Variants in NOP58 observed in about 807,000 individuals in gnomAD.
The protein encoded by NOP58 is NOP58 ribonucleoprotein.
In NOP58, 44 loss-of-function variants were observed where a neutral mutation model predicts 71.2. The ratio of observed to expected loss-of-function variants is 0.62; its 90% CI spans 0.49 to 0.79. The LOEUF is 0.79. NOP58 is among the 30% of genes least tolerant of loss of function. The pLI is 0.00. For missense variants in NOP58, 538 were observed against 620.2 expected, an observed-to-expected ratio of 0.87 and a Z score of 1.41; for synonymous variants, 228 against 200.3, an observed-to-expected ratio of 1.14 and a Z score of -1.17.
In NOP58 at chr2:202,282,354, T is replaced by C; in HGVS notation, c.179T>C (p.Phe60Ser). The change falls in exon 4 of 15, where the codon TTC (phenylalanine) becomes TCC (serine). Residue 60 changes from phenylalanine to serine, a missense_variant. Transcript: ENST00000264279. ...TGTTTTTCTTTTTCTTGAAAAGCAT[T>C]CACAGCTCTGATGGAGGGCAAAATC... ...FQDTAEALAA[F>S]TALMEGKINK... 1 of 1,603,488 alleles carries C rather than the reference T, an allele frequency of 6.2e-7. No individual in the cohort carries two copies. The highest frequency in any genetic ancestry group is 8.5e-7 in the Non-Finnish European group (1 of 1,177,698).
At chr2:202,284,517 T>G in intron 5 of NOP58, 36 bp downstream of exon 5, 4 of 1,608,350 alleles carry the variant, frequency 2.5e-6, no homozygotes, top group Non-Finnish European at 3.4e-6. Flanking sequence ...AACTTACTTT[T>G]ATTTGATAAG....
chr2:202,277,568 A>G (rs1688624991), intron 2 of NOP58, among the ~76,000 whole-genome samples: 1 of 152,140 alleles, frequency 6.6e-6, no homozygotes, highest in Non-Finnish European at 1.5e-5. Context: ...TGTACAGGAT[A>G]GACAAATGAA....
At chr2:202,273,867 C>G (rs1035367277) in intron 1 of NOP58, among the ~76,000 whole-genome samples, 6 of 151,328 alleles carry the variant, frequency 4.0e-5, no homozygotes, top group African/African-American at 1.5e-4. Flanking sequence ...CGCTTGAACC[C>G]GGGAGGCGGA....
chr2:202,287,504 T>C (rs1176531432), intron 5 of NOP58, among the ~76,000 whole-genome samples, 156 bp from the exon 6 acceptor site: 1 of 152,140 alleles, frequency 6.6e-6, no homozygotes, highest in South Asian at 2.1e-4. Flanking sequence ...ATGGTGCATT[T>C]CTACTTAGCT....
chr2:202,287,607 A>T, intron 5 of NOP58, 53 bp from the exon 6 acceptor site: 1 of 1,405,686 alleles, frequency 7.1e-7, no homozygotes, highest in Non-Finnish European at 1.0e-6. Flanking sequence ...GTGTTAATTT[A>T]AATGCTTTTC....
At chr2:202,273,723 A>G (rs529918436) in intron 1 of NOP58, among the ~76,000 whole-genome samples, 283 of 152,334 alleles carry the variant, frequency 1.9e-3, no homozygotes, top group African/African-American at 6.4e-3. Context: ...CAGGTGGATC[A>G]CCTGATGTCA....
chr2:202,268,223 C>G (rs929410473), intron 1 of NOP58, among the ~76,000 whole-genome samples: 1 of 152,118 alleles, frequency 6.6e-6, no homozygotes, highest in Non-Finnish European at 1.5e-5. Context: ...CATAATCTTT[C>G]AAAATGCTAG....
chr2:202,277,427 G>A (rs1472350663), intron 2 of NOP58, among the ~76,000 whole-genome samples: 4 of 151,722 alleles, frequency 2.6e-5, no homozygotes, highest in Non-Finnish European at 4.4e-5. Flanking sequence ...GCAGTGAGCC[G>A]AGATCGCACC....
intron 1 of NOP58, among the ~76,000 whole-genome samples, chr2:202,267,273 A>G (rs1688433412): frequency 6.6e-6 from 1 of 152,214 alleles, no homozygotes; most frequent in Non-Finnish European, 1.5e-5. Context: ...AATTTTAGCT[A>G]TGAACCAAAA....
chr2:202,276,424 A>G, intron 2 of NOP58: 3 of 505,586 alleles, frequency 5.9e-6, no homozygotes, highest in Non-Finnish European at 1.2e-5. Context: ...TTGTTGGGTT[A>G]ATCTGATTCG....
intron 6 of NOP58, among the ~76,000 whole-genome samples, chr2:202,289,075 G>A (rs368655359): frequency 6.6e-6 from 1 of 151,792 alleles, no homozygotes; most frequent in African/African-American, 2.4e-5. Context: ...AGCTGAGATC[G>A]CACCACTGCA....
intron 5 of NOP58, among the ~76,000 whole-genome samples, chr2:202,285,166 G>A (rs939575091): frequency 9.3e-5 from 14 of 150,088 alleles, no homozygotes; most frequent in African/African-American, 2.5e-4. Flanking sequence ...CTCAGCCTCC[G>A]AGTAGCTAGG....
intron 1 of NOP58, among the ~76,000 whole-genome samples, chr2:202,268,377 A>C (rs1688452039): frequency 1.3e-5 from 2 of 151,806 alleles, no homozygotes; most frequent in African/African-American, 2.4e-5. Context: ...TACTAAAAAA[A>C]TAGAAAAATT....
intron 12 of NOP58, among the ~76,000 whole-genome samples, chr2:202,299,436 A>G (rs1388978199): frequency 1.3e-5 from 2 of 151,920 alleles, no homozygotes; most frequent in African/African-American, 4.9e-5. Context: ...AGCTTTCTAC[A>G]ATAGCCATAC....
At chr2:202,303,149 T>C in intron 14 of NOP58, 92 bp downstream of exon 14, 1 of 1,457,332 alleles carries the variant, frequency 6.9e-7, no homozygotes, top group Non-Finnish European at 9.3e-7. Context: ...GCAGGCATTT[T>C]AAAAAATGGT....
intron 1 of NOP58, among the ~76,000 whole-genome samples, chr2:202,266,854 AG>A (rs1157846693): frequency 6.6e-6 from 1 of 152,226 alleles, no homozygotes; most frequent in Non-Finnish European, 1.5e-5. Context: ...TAAGATGTTA[AG>A]AAAGTTTCTT....
intron 4 of NOP58, among the ~76,000 whole-genome samples, chr2:202,283,009 C>G (rs767925806): frequency 1.3e-5 from 2 of 152,076 alleles, no homozygotes; most frequent in Non-Finnish European, 2.9e-5. Context: ...GTCAGCAGAT[C>G]GAGACCATCC....
chr2:202,277,971 G>C lies in NOP58; in HGVS notation c.144G>C (p.Glu48Asp). ...ANKIVKLKHF[E>D]KFQDTAEALA... ...CTAGAGTAAAGCTAAAACATTTTGA[G>C]AAATTTCAGGATACAGCAGAAGCAT... Residue 48 changes from glutamate (E) to aspartate (D), a missense_variant, in exon 3 of 15, where the codon GAG (glutamate) becomes GAC (aspartate). Transcript: ENST00000264279. 1 of 1,548,340 alleles carries C rather than the reference G, an allele frequency of 6.5e-7. No individual in the cohort carries two copies. The highest frequency in any genetic ancestry group is 1.2e-5 in the South Asian group (1 of 85,360).
intron 9 of NOP58, among the ~76,000 whole-genome samples, chr2:202,293,599 T>G (rs903101008): frequency 2.0e-4 from 31 of 152,300 alleles, no homozygotes; most frequent in African/African-American, 6.5e-4. Context: ...TTTTTTTGTT[T>G]GAGACAGAGT....
Sources: gnomAD v4.1 joint callset for allele counts (sites outside exome capture counted in the v4.1 genomes callset) on GRCh38, gnomAD v4.1.1 for gene constraint, MANE v1.5 for transcripts, NCBI Gene and HGNC (gene_info 2026-07-23, HGNC 2026-07-21) for gene names.